Variants in GABRG3 observed in about 807,000 individuals in gnomAD.
GABRG3 encodes the protein gamma-aminobutyric acid receptor subunit gamma-3.
In GABRG3, 25 loss-of-function variants were observed where a neutral mutation model predicts 48.8. The observed-to-expected ratio is 0.51, with a 90% CI of 0.37 to 0.72. The LOEUF (loss-of-function observed/expected upper bound fraction) is 0.72, where lower values mean the gene tolerates loss of function less well. Ranked by LOEUF, GABRG3 falls within the 30% of genes least tolerant of loss-of-function variation. GABRG3 has a pLI of 0.00. For missense variants in GABRG3, 394 were observed against 577.9 expected, an observed-to-expected ratio of 0.68 and a Z score of 3.26; for synonymous variants, 227 against 217.6, an observed-to-expected ratio of 1.04 and a Z score of -0.38.
rs1218489924 is a variant in GABRG3 at position 27,307,380 on chromosome 15, T to G, written c.271-19429T>G. ...ATATATAACCATATAGGTTTATATA[T>G]TTATATATAACCATATAGGTTTATA... On this transcript the variant is annotated intron_variant, in intron 3 of 9. Transcript: ENST00000615808. 1.4e-4 allele frequency among the ~76,000 whole-genome samples: 2 copies of G among 14,378 alleles called. 1 individual carries two copies. The highest frequency in any genetic ancestry group is 5.1e-4 in the African/African-American group (2 of 3,944). 9.4% of individuals were successfully genotyped at this position (14,378 alleles called of 152,430 possible).
intron 5 of GABRG3, among the ~76,000 whole-genome samples, chr15:27,349,042 G>C (rs1894469609): frequency 6.6e-6 from 1 of 152,130 alleles, no homozygotes; most frequent in South Asian, 2.1e-4. Context: ...AATGGCAGTG[G>C]GAGGGGAGCA....
chr15:27,476,757 C>A (rs556201329), intron 5 of GABRG3, among the ~76,000 whole-genome samples: 11 of 152,122 alleles, frequency 7.2e-5, no homozygotes, highest in African/African-American at 2.7e-4. Flanking sequence ...GAAGCAGGGG[C>A]AAAATTACTT....
At chr15:27,011,396 T>C (rs1320474525) in intron 2 of GABRG3, among the ~76,000 whole-genome samples, 1 of 152,226 alleles carries the variant, frequency 6.6e-6, no homozygotes, top group Non-Finnish European at 1.5e-5. Context: ...CCCATATTCC[T>C]GGCCTTTCAA....
chr15:27,023,548 G>GCT (rs1204211468), intron 2 of GABRG3, among the ~76,000 whole-genome samples: 1 of 152,176 alleles, frequency 6.6e-6, no homozygotes, highest in Non-Finnish European at 1.5e-5. Flanking sequence ...GCTTATATAA[G>GCT]TGGAATCATA....
At chr15:27,184,664 A>T (rs528947452) in intron 3 of GABRG3, among the ~76,000 whole-genome samples, 1 of 152,356 alleles carries the variant, frequency 6.6e-6, no homozygotes, top group South Asian at 2.1e-4. Context: ...AAACCATCTG[A>T]GTTCAAACAC....
chr15:27,207,652 C>G (rs1478080317), intron 3 of GABRG3, among the ~76,000 whole-genome samples: 2 of 152,182 alleles, frequency 1.3e-5, no homozygotes, highest in Non-Finnish European at 2.9e-5. Flanking sequence ...TGGGGGACAC[C>G]AGGGGGGCAC....
chr15:27,308,481 A>T (rs1204782137), intron 3 of GABRG3, among the ~76,000 whole-genome samples: 1 of 148,052 alleles, frequency 6.8e-6, no homozygotes, highest in Non-Finnish European at 1.5e-5. Flanking sequence ...ATAAACATAT[A>T]ATGTAAACAT....
At chr15:27,532,098 C>A (rs1437950221) in intron 9 of GABRG3, among the ~76,000 whole-genome samples, 1 of 152,146 alleles carries the variant, frequency 6.6e-6, no homozygotes, top group Non-Finnish European at 1.5e-5. Flanking sequence ...CTTCAATATA[C>A]ATACTGTTTC....
chr15:27,322,918 GTC>G (rs1252062587), intron 3 of GABRG3, among the ~76,000 whole-genome samples: 1 of 152,164 alleles, frequency 6.6e-6, no homozygotes, highest in Non-Finnish European at 1.5e-5. Flanking sequence ...GGTGGTCACT[GTC>G]TCTGTGTCAG....
In GABRG3 at chr15:27,327,140, G is replaced by C. The variant is rs138616136; in HGVS notation, c.491+111G>C. 3.7e-4 allele frequency: 353 copies of C among 946,878 alleles called. 1 individual carries two copies. In the African/African-American group the frequency reaches 5.2e-3, roughly 14 times the overall value. The allele number at this position is 946,878 out of a possible 1,614,324, so 58.7% of individuals were successfully genotyped here. ...CATCTCTAAGTCTATTCTCTTTCAC[G>C]TGAGACATACTACAGCATCCTGAGA... On this transcript the variant is annotated intron_variant, in intron 4 of 9. Transcript: ENST00000615808.
chr15:27,320,665 G>C (rs901043159), intron 3 of GABRG3, among the ~76,000 whole-genome samples: 1 of 152,076 alleles, frequency 6.6e-6, no homozygotes, highest in African/African-American at 2.4e-5. Flanking sequence ...GTCATGGAAG[G>C]TCGTGATCAA....
At chr15:27,090,744 T>C (rs1403370909) in intron 3 of GABRG3, among the ~76,000 whole-genome samples, 1 of 152,222 alleles carries the variant, frequency 6.6e-6, no homozygotes, top group African/African-American at 2.4e-5. Context: ...TATTTTTGAC[T>C]CTATTGTAAA....
intron 3 of GABRG3, among the ~76,000 whole-genome samples, chr15:27,174,588 C>T (rs1483030570): frequency 1.0e-5 from 1 of 100,386 alleles, no homozygotes; most frequent in Non-Finnish European, 2.1e-5. Context: ...TCTCTCGTCT[C>T]TCTCTCTCTC....
intron 7 of GABRG3, 60 bp from the exon 8 acceptor site, chr15:27,527,373 G>A (rs932303966): frequency 3.2e-5 from 48 of 1,521,426 alleles, no homozygotes; most frequent in Non-Finnish European, 4.2e-5. Flanking sequence ...GTGGGTGACC[G>A]TCTGGGATTC....
intron 3 of GABRG3, among the ~76,000 whole-genome samples, chr15:27,241,419 C>A (rs1486170474): frequency 2.0e-5 from 3 of 152,224 alleles, no homozygotes; most frequent in African/African-American, 7.2e-5. Context: ...GGACTTACAG[C>A]AGCAATGGCC....
intron 3 of GABRG3, among the ~76,000 whole-genome samples, chr15:27,323,092 A>G (rs966819696): frequency 6.6e-6 from 1 of 152,162 alleles, no homozygotes; most frequent in Non-Finnish European, 1.5e-5. Flanking sequence ...GACAGAAGAT[A>G]AGGAGAAAAA....
At chr15:27,326,373 G>T (rs1214597553) in intron 3 of GABRG3, among the ~76,000 whole-genome samples, 1 of 152,176 alleles carries the variant, frequency 6.6e-6, no homozygotes, top group Non-Finnish European at 1.5e-5. Context: ...GGCACTAAGG[G>T]TGCTCATTTA....
rs115367948 is a variant in GABRG3, at chr15:27,532,251, C to G, written c.1123-349C>G. Among the ~76,000 whole-genome samples, 386 of 152,062 alleles carry G rather than the reference C, an allele frequency of 2.5e-3. 5 individuals carry two copies. Among genetic ancestry groups the G allele is most frequent in the African/African-American group, 8.8e-3 (366 of 41,440 alleles). ...AATCCGGGAAATACAAGATTTGAAA[C>G]TGCAATGCAATTTTCCTTGCATTAG... is the stretch of plus-strand genomic sequence containing the variant. On this transcript the variant is annotated intron_variant, in intron 9 of 9. Transcript: ENST00000615808.
chr15:27,223,377 CTGA>C (rs1365211149), intron 3 of GABRG3, among the ~76,000 whole-genome samples: 1 of 152,150 alleles, frequency 6.6e-6, no homozygotes. Context: ...ATACGGCAAT[CTGA>C]TGAGTTTCAG....
Sources: allele counts gnomAD v4.1 joint callset (sites outside exome capture counted in the v4.1 genomes callset), GRCh38; gene constraint gnomAD v4.1.1; transcripts MANE v1.5; gene names NCBI Gene and HGNC (gene_info 2026-07-23, HGNC 2026-07-21).